Variants in TENM2 observed in about 807,000 individuals in gnomAD.
TENM2 encodes teneurin transmembrane protein 2, also known as teneurin-2.
TENM2 carries 52 observed loss-of-function variants against 245.2 expected under a neutral mutation model. The ratio of observed to expected loss-of-function variants is 0.21; its 90% CI spans 0.17 to 0.27. The LOEUF (loss-of-function observed/expected upper bound fraction) is 0.27. Among genes scored for constraint, TENM2 ranks in the 10% least tolerant of loss-of-function variants. TENM2 has a pLI of 1.00. For missense variants in TENM2, 3,046 were observed against 3,666.8 expected, an observed-to-expected ratio of 0.83 and a Z score of 4.37; for synonymous variants, 1,363 against 1,438.9, an observed-to-expected ratio of 0.95 and a Z score of 1.19.
the TENM2 span, among the ~76,000 whole-genome samples, chr5:167,268,082 A>G: frequency 0.026 from 4,018 of 152,006 alleles, 82 homozygotes; most frequent in Middle Eastern, 0.054. Flanking sequence ...AACTATCAAC[A>G]TTTTTGGCCA....
chr5:167,575,743 A>G (rs939741455), intron 2 of TENM2, among the ~76,000 whole-genome samples: 1 of 152,204 alleles, frequency 6.6e-6, no homozygotes, highest in Non-Finnish European at 1.5e-5. Flanking sequence ...GACAAGAGAA[A>G]AAGACACTGC....
intron 2 of TENM2, among the ~76,000 whole-genome samples, chr5:167,864,580 C>G (rs1285746383): frequency 6.6e-6 from 1 of 152,196 alleles, no homozygotes; most frequent in Non-Finnish European, 1.5e-5. Context: ...ATTTGACATT[C>G]AATCTGTTTC....
the TENM2 span, among the ~76,000 whole-genome samples, chr5:167,181,913 T>C: frequency 5.3e-5 from 8 of 152,300 alleles, no homozygotes; most frequent in African/African-American, 1.9e-4. Context: ...CACTTTTCCT[T>C]ATCCTCTGTG....
chr5:167,434,845 T>G (rs1327845028), intron 2 of TENM2, among the ~76,000 whole-genome samples: 2 of 152,186 alleles, frequency 1.3e-5, no homozygotes, highest in Admixed American at 6.5e-5. Context: ...ACACACGTAG[T>G]TCAAATTCTG....
At chr5:168,112,281 T>G (rs1485509159) in intron 9 of TENM2, among the ~76,000 whole-genome samples, 1 of 152,124 alleles carries the variant, frequency 6.6e-6, no homozygotes, top group Non-Finnish European at 1.5e-5. Context: ...ATAGGTAAAC[T>G]TGTGTCATGG....
chr5:168,041,717 A>G (rs917204265), intron 5 of TENM2, among the ~76,000 whole-genome samples: 1 of 152,170 alleles, frequency 6.6e-6, no homozygotes, highest in Non-Finnish European at 1.5e-5. Flanking sequence ...TCTTGTTAAA[A>G]CTGCTTTACT....
At chr5:168,063,651 G>A (rs547441671) in intron 7 of TENM2, among the ~76,000 whole-genome samples, 1 of 152,098 alleles carries the variant, frequency 6.6e-6, no homozygotes, top group Non-Finnish European at 1.5e-5. Flanking sequence ...AGGTAGTCAG[G>A]CTACAATTTC....
At position 167,393,129 on chromosome 5, in the gene TENM2, A is replaced by G. The variant is rs186902139; in HGVS notation, c.502+17656A>G. Reference sequence around the variant, plus strand: ...AGAGCAAGACTCCATCTCGGGGGAAAAAAAAGGAAAAAAAAAGTTAATTTT... The same window carrying G: ...AGAGCAAGACTCCATCTCGGGGGAAGAAAAAGGAAAAAAAAAGTTAATTTT... On this transcript the variant is annotated intron_variant, in intron 2 of 28. Transcript: ENST00000518659. Among the ~76,000 whole-genome samples the G allele has an allele frequency of 1.8e-4, 28 of 151,380 alleles. 1 individual carries two copies. Among genetic ancestry groups the G allele is most frequent in the Middle Eastern group, 6.8e-3 (2 of 294 alleles).
At chr5:167,771,425 G>C (rs1052924213) in intron 2 of TENM2, among the ~76,000 whole-genome samples, 1 of 152,088 alleles carries the variant, frequency 6.6e-6, no homozygotes, top group South Asian at 2.1e-4. Context: ...AGCTACCCCA[G>C]TATCTTAGAG....
At chr5:167,961,836 G>T (rs1025163345) in intron 4 of TENM2, among the ~76,000 whole-genome samples, 11 of 152,156 alleles carry the variant, frequency 7.2e-5, no homozygotes, top group Admixed American at 7.2e-4. Flanking sequence ...AAAATAAGGT[G>T]GTGGAATGTC....
At chr5:168,012,797 A>C (rs937866109) in intron 5 of TENM2, among the ~76,000 whole-genome samples, 3 of 139,080 alleles carry the variant, frequency 2.2e-5, no homozygotes. Context: ...AAAAAAAAAA[A>C]CCCTAACAGT....
the TENM2 span, among the ~76,000 whole-genome samples, chr5:167,224,339 T>C: frequency 2.6e-4 from 39 of 152,104 alleles, no homozygotes; most frequent in African/African-American, 8.4e-4. Context: ...ATTTAAGTCT[T>C]TAATCTATCT....
At chr5:167,003,923 T>A in the TENM2 span, among the ~76,000 whole-genome samples, 2 of 152,294 alleles carry the variant, frequency 1.3e-5, no homozygotes, top group African/African-American at 4.8e-5. Flanking sequence ...AACTCTCAGT[T>A]ATAGGCTTTT....
At chr5:167,750,091 G>A (rs566905359) in intron 2 of TENM2, among the ~76,000 whole-genome samples, 14 of 152,142 alleles carry the variant, frequency 9.2e-5, no homozygotes, top group African/African-American at 1.2e-4. Flanking sequence ...CATTATCTTC[G>A]GGGAATGTTA....
At chr5:167,893,547 C>T (rs1398251624) in intron 3 of TENM2, among the ~76,000 whole-genome samples, 1 of 152,018 alleles carries the variant, frequency 6.6e-6, no homozygotes. Context: ...CTTAAATTAC[C>T]TTGGCATATG....
chr5:167,489,449 A>G (rs1768289025), intron 2 of TENM2, among the ~76,000 whole-genome samples: 1 of 152,198 alleles, frequency 6.6e-6, no homozygotes, highest in South Asian at 2.1e-4. Flanking sequence ...TCACTCCCAC[A>G]CTATCTTCAG....
chr5:167,554,043 G>A (rs79458019), intron 2 of TENM2, among the ~76,000 whole-genome samples: 2,486 of 152,260 alleles, frequency 0.016, 48 homozygotes, highest in Non-Finnish European at 0.026. Context: ...ATTCTCATGG[G>A]AAGTGTCTGG....
chr5:167,477,260 AT>A (rs1767444711), intron 2 of TENM2, among the ~76,000 whole-genome samples: 1 of 145,040 alleles, frequency 6.9e-6, no homozygotes, highest in Non-Finnish European at 1.5e-5. Flanking sequence ...TGAGTGAATA[AT>A]AGTAAAAAAA....
At chr5:167,466,228 G>A (rs771056481) in intron 2 of TENM2, among the ~76,000 whole-genome samples, 8 of 152,178 alleles carry the variant, frequency 5.3e-5, no homozygotes, top group Non-Finnish European at 8.8e-5. Context: ...AGAGATAGCT[G>A]AATTCCTCCT....
Sources: gnomAD v4.1 joint callset for allele counts (sites outside exome capture counted in the v4.1 genomes callset) on GRCh38, gnomAD v4.1.1 for gene constraint, MANE v1.5 for transcripts, NCBI Gene and HGNC (gene_info 2026-07-23, HGNC 2026-07-21) for gene names.